PPP2R1A: variants seen among roughly 807,000 people sequenced by gnomAD.
The protein encoded by PPP2R1A is serine/threonine-protein phosphatase 2A 65 kDa regulatory subunit A alpha isoform.
Under a neutral mutation model 67.1 loss-of-function variants are expected in PPP2R1A, and 15 were observed. That is an observed-to-expected ratio of 0.22 (90% CI 0.15 to 0.34). The LOEUF (loss-of-function observed/expected upper bound fraction) is 0.34, where lower values mean the gene tolerates loss of function less well. Among genes scored for constraint, PPP2R1A ranks in the 10% least tolerant of loss-of-function variants. The pLI is 1.00. For synonymous variants in PPP2R1A, 337 were observed against 325.0 expected, an observed-to-expected ratio of 1.04 and a Z score of -0.40; for missense variants, 369 against 775.0, an observed-to-expected ratio of 0.48 and a Z score of 6.22.
Position 52,212,584 on chromosome 19 carries a change from G to A in PPP2R1A, c.504-102G>A. On this transcript the variant is annotated intron_variant, in intron 4 of 14. Transcript: ENST00000322088. The surrounding 1 kb of genome is among the most constrained non-coding windows in gnomAD (Gnocchi z 4.1). Reference sequence around the variant, plus strand: ...AGAGAGGGGGTCATCACTTGCCCAAGGTCATTCAGCTAAAACCTGGACCCA... The same window carrying A: ...AGAGAGGGGGTCATCACTTGCCCAAAGTCATTCAGCTAAAACCTGGACCCA... 1 of 1,410,906 alleles carries A rather than the reference G, an allele frequency of 7.1e-7. No homozygotes were observed. Among genetic ancestry groups the A allele is most frequent in the South Asian group, 1.3e-5 (1 of 77,486 alleles). 87.4% of individuals were successfully genotyped at this position (1,410,906 alleles called of 1,614,324 possible).
chr19:52,223,728 T>C (rs1979083442), intron 13 of PPP2R1A, among the ~76,000 whole-genome samples: 1 of 151,960 alleles, frequency 6.6e-6, no homozygotes, highest in Non-Finnish European at 1.5e-5. Flanking sequence ...GGTGAAGACA[T>C]AGAAGAGCTG....
chr19:52,207,093 C>A (rs550826104), intron 3 of PPP2R1A, among the ~76,000 whole-genome samples: 3 of 152,294 alleles, frequency 2.0e-5, no homozygotes, highest in African/African-American at 7.2e-5. Flanking sequence ...ATTCGGATAT[C>A]TCAGCCTTCA....
intron 1 of PPP2R1A, 122 bp from the exon 2 acceptor site, chr19:52,201,822 T>G: frequency 2.5e-6 from 2 of 815,466 alleles, no homozygotes; most frequent in Non-Finnish European, 4.0e-6. Flanking sequence ...CAAATTACTC[T>G]TGAGCATCTT....
In PPP2R1A at chr19:52,228,312, A is replaced by G. The variant is rs1321318023; in HGVS notation, c.*2331A>G. 3 of 152,206 alleles carry G rather than the reference A, an allele frequency of 2.0e-5. No homozygotes were observed. The highest frequency in any genetic ancestry group is 7.2e-5 in the African/African-American group (3 of 41,438). The allele number at this position is 152,206 out of a possible 1,614,324, so 9.4% of individuals were successfully genotyped here. A position where few individuals can be genotyped will look rare whatever the true frequency, so the allele number is the denominator to read the frequency against. On this transcript the variant is annotated 3_prime_UTR_variant, in exon 15 of 15. Coordinates refer to ENST00000322088, the MANE Select transcript of PPP2R1A (RefSeq NM_014225.6). ...ACGAGGGTGAAGGATAGCTTGAGTT[A>G]TTGAACGCTGGCAGAGTCCTGAGTT...
Position 52,211,462 on chromosome 19 carries a change from T to G in PPP2R1A, c.473T>G (p.Val158Gly). The change falls in exon 4 of 15, where the codon GTG becomes GGG. Residue 158 changes from valine to glycine, a missense_variant. By Grantham distance (109) the Val-to-Gly change is moderately radical. This residue lies in a region of PPP2R1A where 93 missense variants were observed against 266.5 expected (regional missense o/e 0.35). Transcript: ENST00000322088. This position sits in a 1 kb window ranked among gnomAD's most constrained non-coding sequence, Gnocchi z 5.3. The part of the protein sequence containing the change: ...CGLFSVCYPR[V>G]SSAVKAELRQ... Reference sequence around the variant, plus strand: ...CTCTTCTCCGTCTGCTACCCCCGAGTGTCCAGTGCTGTGAAGGCGGAACTT... The same window carrying G: ...CTCTTCTCCGTCTGCTACCCCCGAGGGTCCAGTGCTGTGAAGGCGGAACTT... 1 of 1,613,108 alleles carries G rather than the reference T, an allele frequency of 6.2e-7. No individual in the cohort carries two copies. Among genetic ancestry groups the G allele is most frequent in the Non-Finnish European group, 8.5e-7 (1 of 1,179,382 alleles).
rs1252181906 is a variant in PPP2R1A at position 52,204,364 on chromosome 19, G to A, written c.170-1599G>A. Reference sequence around the variant, plus strand: ...TCTGGGGTCTGGGAGATCAGATGGTGTAGGGGCAAAGGTGGAAGCAGGAAA... The same window carrying A: ...TCTGGGGTCTGGGAGATCAGATGGTATAGGGGCAAAGGTGGAAGCAGGAAA... On this transcript the variant is annotated intron_variant, in intron 2 of 14. Coordinates refer to ENST00000322088, the MANE Select transcript of PPP2R1A (RefSeq NM_014225.6). 3.3e-5 allele frequency among the ~76,000 whole-genome samples: 5 copies of A among 152,212 alleles called. No homozygotes were observed. In the East Asian group the frequency reaches 9.6e-4, roughly 29 times the overall value.
intron 13 of PPP2R1A, chr19:52,222,465 A>G (rs1257572738): frequency 6.1e-6 from 3 of 491,686 alleles, no homozygotes; most frequent in Non-Finnish European, 1.0e-5. Context: ...CCTGTATACT[A>G]GCAACAAGTC....
At chr19:52,194,482 G>C (rs992773279) in intron 1 of PPP2R1A, among the ~76,000 whole-genome samples, 1 of 152,182 alleles carries the variant, frequency 6.6e-6, no homozygotes, top group African/African-American at 2.4e-5. Context: ...ATGGGTTCTG[G>C]TATAATTTTA....
Position 52,212,017 on chromosome 19 carries a change from T to C in PPP2R1A, c.503+525T>C, listed in dbSNP as rs1056348. Among the ~76,000 whole-genome samples, 24,357 of 152,170 alleles carry C rather than the reference T, an allele frequency of 0.16. 2,460 individuals are homozygous for C. Among genetic ancestry groups the C allele is most frequent in the African/African-American group, 0.29 (12,017 of 41,480 alleles). ...TTACACTGGCCCCCACCGCCTTTGA[T>C]CGAAGCAATTGCTGCTGAAAAATAA... On this transcript the variant is annotated intron_variant, in intron 4 of 14. Transcript: ENST00000322088. This position sits in a 1 kb window ranked among gnomAD's most constrained non-coding sequence, Gnocchi z 4.1.
chr19:52,194,179 T>G (rs1051584736), intron 1 of PPP2R1A, among the ~76,000 whole-genome samples: 2 of 151,148 alleles, frequency 1.3e-5, no homozygotes, highest in African/African-American at 4.9e-5. Context: ...ATAGGGAGGT[T>G]AGAGAAAGCT....
chr19:52,215,608 G>C (rs1052357619), intron 6 of PPP2R1A, among the ~76,000 whole-genome samples, 171 bp from the exon 7 acceptor site: 3 of 152,214 alleles, frequency 2.0e-5, no homozygotes, highest in Non-Finnish European at 4.4e-5. Flanking sequence ...TCAGCGAGGT[G>C]AAGAGCCTTG....
In PPP2R1A at chr19:52,226,084, G is replaced by T. The variant is rs1258027698; in HGVS notation, c.*103G>T. 22 of 1,559,434 alleles carry T rather than the reference G, an allele frequency of 1.4e-5. No individual in the cohort carries two copies. In the Admixed American group the frequency reaches 3.0e-4, roughly 21 times the overall value. On this transcript the variant is annotated 3_prime_UTR_variant, in exon 15 of 15. Transcript: ENST00000322088. ...GGGGCCTTTGGCTGTCACTCCCTGT[G>T]CATGGTCTGACCCCAGGCCCCTTCC...
intron 1 of PPP2R1A, among the ~76,000 whole-genome samples, chr19:52,196,204 G>A (rs1195860295): frequency 6.6e-6 from 1 of 152,158 alleles, no homozygotes; most frequent in Non-Finnish European, 1.5e-5. Context: ...GGAATTCTCA[G>A]GATATGACAT....
chr19:52,217,152 T>C (rs1253946021), intron 9 of PPP2R1A, among the ~76,000 whole-genome samples: 3 of 152,164 alleles, frequency 2.0e-5, no homozygotes, highest in Non-Finnish European at 4.4e-5. Flanking sequence ...ATTGCACCAC[T>C]GCACTCCAGC....
chr19:52,201,997 T>A lies in PPP2R1A; in HGVS notation c.132T>A (p.Val44=). The change falls in exon 2 of 15, where the codon GTT becomes GTA. Residue 44 remains valine, a synonymous_variant. Transcript: ENST00000322088. ...KLSTIALALG[V]ERTRSELLPF... ...CCACCATCGCCTTGGCCCTTGGGGTTGAAAGGACCCGAAGTGAGCTTCTGC... is the reference window on the plus strand; with the variant it reads ...CCACCATCGCCTTGGCCCTTGGGGTAGAAAGGACCCGAAGTGAGCTTCTGC... The A allele has an allele frequency of 6.2e-7, 1 of 1,614,202 alleles. No homozygotes were observed. Among genetic ancestry groups the A allele is most frequent in the Non-Finnish European group, 8.5e-7 (1 of 1,180,030 alleles).
Position 52,219,741 on chromosome 19 carries a change from G to T in PPP2R1A, c.1179G>T (p.Glu393Asp). ...NIISNLDCVN[E>D]VIGIRQLSQS... is the part of the protein sequence containing the mutation. Reference sequence around the variant, plus strand: ...TCTCTAACCTGGACTGTGTGAACGAGGTGATTGGCATCCGGCAGCTGTCCC... The same window carrying T: ...TCTCTAACCTGGACTGTGTGAACGATGTGATTGGCATCCGGCAGCTGTCCC... The change falls in exon 10 of 15, where the codon GAG becomes GAT. Residue 393 changes from glutamate to aspartate, a missense_variant. Transcript: ENST00000322088. This position sits in a 1 kb window ranked among gnomAD's most constrained non-coding sequence, Gnocchi z 4.0. 1 of 1,614,144 alleles carries T rather than the reference G, an allele frequency of 6.2e-7. No individual in the cohort carries two copies. Among genetic ancestry groups the T allele is most frequent in the Non-Finnish European group, 8.5e-7 (1 of 1,180,038 alleles).
chr19:52,222,141 A>G lies in PPP2R1A; in HGVS notation c.1561A>G (p.Met521Val). The change falls in exon 13 of 15, where the codon ATG becomes GTG. Residue 521 changes from methionine to valine, a missense_variant. By Grantham distance (21) the Met-to-Val change is conservative (BLOSUM62 1). This residue lies in a region of PPP2R1A where 276 missense variants were observed against 508.4 expected (regional missense o/e 0.54). Transcript: ENST00000322088. Reference protein sequence around the residue: ...VCGQDITTKHMLPTVLRMAGD... With the variant: ...VCGQDITTKHVLPTVLRMAGD... ...TGGGCAGGACATCACCACCAAGCAC[A>G]TGCTACCCACGGTTCTGCGCATGGC... is the stretch of plus-strand genomic sequence containing the variant. The G allele has an allele frequency of 1.2e-6, 2 of 1,614,088 alleles. No individual in the cohort carries two copies. Among genetic ancestry groups the G allele is most frequent in the Non-Finnish European group, 8.5e-7 (1 of 1,179,988 alleles).
rs1472190991 is a variant in PPP2R1A at position 52,222,125 on chromosome 19, C to T, written c.1545C>T (p.Asp515=). Residue 515 remains aspartate (D), a synonymous_variant, in exon 13 of 15, where the codon GAC becomes GAT. Coordinates refer to ENST00000322088, the MANE Select transcript of PPP2R1A (RefSeq NM_014225.6). ...INVLSEVCGQ[D]ITTKHMLPTV... ...TGCTGTCTGAGGTCTGTGGGCAGGACATCACCACCAAGCACATGCTACCCA... is the reference window on the plus strand; with the variant it reads ...TGCTGTCTGAGGTCTGTGGGCAGGATATCACCACCAAGCACATGCTACCCA... The T allele has an allele frequency of 1.9e-6, 3 of 1,613,416 alleles. No individual in the cohort carries two copies. Among genetic ancestry groups the T allele is most frequent in the African/African-American group, 1.3e-5 (1 of 74,916 alleles).
At chr19:52,214,161 A>G (rs1978425482) in intron 6 of PPP2R1A, among the ~76,000 whole-genome samples, 1 of 152,078 alleles carries the variant, frequency 6.6e-6, no homozygotes. Context: ...CAGAGGACAA[A>G]GAACCCTGGG....
Sources: allele counts gnomAD v4.1 joint callset (sites outside exome capture counted in the v4.1 genomes callset), GRCh38; gene constraint gnomAD v4.1.1; regional missense constraint gnomAD v4.1.1; non-coding constraint Gnocchi (gnomAD v3.1); transcripts MANE v1.5; gene names NCBI Gene and HGNC (gene_info 2026-07-23, HGNC 2026-07-21).